NDUFS4: variants seen among roughly 807,000 people sequenced by gnomAD.
NDUFS4 encodes the protein NADH:ubiquinone oxidoreductase subunit S4.
A neutral mutation model predicts 24.3 loss-of-function variants in NDUFS4; 28 were observed. That is an observed-to-expected ratio of 1.15 (90% CI 0.85 to 1.58). The LOEUF is 1.58. Among genes scored for constraint, NDUFS4 ranks in the 40% most tolerant of loss-of-function variants. The pLI is 0.00. For synonymous variants in NDUFS4, 93 were observed against 69.7 expected, an observed-to-expected ratio of 1.34 and a Z score of -1.67; for missense variants, 223 against 207.9, an observed-to-expected ratio of 1.07 and a Z score of -0.45.
chr5:53,658,420 T>C (rs1473610916), intron 3 of NDUFS4, 131 bp from the exon 4 acceptor site: 4 of 665,998 alleles, frequency 6.0e-6, no homozygotes, highest in Non-Finnish European at 7.9e-6. Context: ...TTTAAAGAAA[T>C]TATTACAAAT....
At chr5:53,641,941 AG>A (rs1751716417) in intron 2 of NDUFS4, among the ~76,000 whole-genome samples, 1 of 152,194 alleles carries the variant, frequency 6.6e-6, no homozygotes, top group Non-Finnish European at 1.5e-5. Context: ...TTCTATAAAC[AG>A]TATTTTTAAT....
At chr5:53,609,896 A>G (rs576400545) in intron 2 of NDUFS4, among the ~76,000 whole-genome samples, 1 of 152,248 alleles carries the variant, frequency 6.6e-6, no homozygotes, top group South Asian at 2.1e-4. Flanking sequence ...TCCTGGCTCT[A>G]GATTAGACTT....
intron 4 of NDUFS4, among the ~76,000 whole-genome samples, chr5:53,671,924 A>C (rs2111576053): frequency 6.6e-6 from 1 of 152,260 alleles, no homozygotes; most frequent in African/African-American, 2.4e-5. Flanking sequence ...AAACTCTTTG[A>C]AATTCTCAAA....
chr5:53,586,671 C>A (rs549796726), intron 1 of NDUFS4, among the ~76,000 whole-genome samples: 1 of 152,060 alleles, frequency 6.6e-6, no homozygotes, highest in Non-Finnish European at 1.5e-5. Flanking sequence ...TACTTGCGTC[C>A]ACCACCATGC....
intron 2 of NDUFS4, among the ~76,000 whole-genome samples, chr5:53,615,472 A>G (rs182539612): frequency 4.1e-4 from 62 of 152,194 alleles, no homozygotes; most frequent in African/African-American, 1.3e-3. Context: ...TTCTAATTTT[A>G]TATGACCTAG....
At chr5:53,627,471 C>T (rs1415042886) in intron 2 of NDUFS4, among the ~76,000 whole-genome samples, 1 of 152,044 alleles carries the variant, frequency 6.6e-6, no homozygotes, top group Non-Finnish European at 1.5e-5. Context: ...TTACTTTGGG[C>T]AGTATGTTTA....
intron 2 of NDUFS4, chr5:53,604,701 T>G (rs1750441698): frequency 2.0e-5 from 9 of 454,962 alleles, no homozygotes; most frequent in South Asian, 1.4e-4. Context: ...CTTGCCTGAT[T>G]TAGCTCCTGC....
At chr5:53,677,321 A>C (rs1014229241) in intron 4 of NDUFS4, among the ~76,000 whole-genome samples, 5 of 152,204 alleles carry the variant, frequency 3.3e-5, no homozygotes, top group Admixed American at 6.5e-5. Context: ...CAGCAGGTGT[A>C]GAGTATTACT....
In NDUFS4 at chr5:53,615,697, CT is replaced by C. The variant is rs536296293; in HGVS notation, c.177+12170del. Among the ~76,000 whole-genome samples, 53 of 152,136 alleles carry C rather than the reference CT, an allele frequency of 3.5e-4. 4 individuals are homozygous for C. In the South Asian group the frequency reaches 0.011, roughly 32 times the overall value. ...TTCAGTTGCTGTTTCATGTTTAATACTTTACTTCTAAAGGCTTTCAGCATAT... is the reference window on the plus strand; with the variant it reads ...TTCAGTTGCTGTTTCATGTTTAATACTTACTTCTAAAGGCTTTCAGCATAT... On this transcript the variant is annotated intron_variant, in intron 2 of 4. Coordinates refer to ENST00000296684, the MANE Select transcript of NDUFS4 (RefSeq NM_002495.4).
At chr5:53,664,052 T>C (rs1291166799) in intron 4 of NDUFS4, among the ~76,000 whole-genome samples, 1 of 152,222 alleles carries the variant, frequency 6.6e-6, no homozygotes. Flanking sequence ...TCTTTGCATT[T>C]GCTTGTCTGT....
chr5:53,561,096 G>T (rs930085047), intron 1 of NDUFS4, among the ~76,000 whole-genome samples: 9 of 152,118 alleles, frequency 5.9e-5, no homozygotes. Flanking sequence ...ACTGATTTCT[G>T]TTTCCACTTT....
chr5:53,614,328 T>C (rs1750783205), intron 2 of NDUFS4, among the ~76,000 whole-genome samples: 1 of 151,960 alleles, frequency 6.6e-6, no homozygotes, highest in Non-Finnish European at 1.5e-5. Flanking sequence ...ATGTACTAAA[T>C]ATCACAAAGA....
chr5:53,587,696 A>C (rs71619967), intron 1 of NDUFS4, among the ~76,000 whole-genome samples: 1 of 151,520 alleles, frequency 6.6e-6, no homozygotes, highest in African/African-American at 2.4e-5. Flanking sequence ...CCACACCTCA[A>C]CCTCCCAAGT....
intron 1 of NDUFS4, among the ~76,000 whole-genome samples, chr5:53,587,808 G>A (rs1315668531): frequency 6.6e-6 from 1 of 151,958 alleles, no homozygotes; most frequent in Non-Finnish European, 1.5e-5. Flanking sequence ...TGAACTCTTG[G>A]GCTCAAGGGA....
At chr5:53,581,652 T>C (rs1212286640) in intron 1 of NDUFS4, among the ~76,000 whole-genome samples, 1 of 152,164 alleles carries the variant, frequency 6.6e-6, no homozygotes, top group Non-Finnish European at 1.5e-5. Context: ...ATTTAAGTCC[T>C]GTTTATCCTT....
intron 1 of NDUFS4, among the ~76,000 whole-genome samples, chr5:53,591,935 T>TTTGTTG (rs150255009): frequency 6.6e-6 from 1 of 151,968 alleles, no homozygotes; most frequent in African/African-American, 2.4e-5. Context: ...ATTGATGAGT[T>TTTGTTG]TTGTTGTTGT....
intron 1 of NDUFS4, among the ~76,000 whole-genome samples, chr5:53,586,827 TCTTC>T (rs1233132833): frequency 6.6e-6 from 1 of 152,108 alleles, no homozygotes; most frequent in Non-Finnish European, 1.5e-5. Context: ...CCAGCCTGTT[TCTTC>T]CTTTTTTTTG....
intron 1 of NDUFS4, among the ~76,000 whole-genome samples, chr5:53,588,915 A>T (rs1749854375): frequency 6.6e-6 from 1 of 152,100 alleles, no homozygotes; most frequent in African/African-American, 2.4e-5. Context: ...AGACCAAAAG[A>T]TTCCTAAACC....
intron 3 of NDUFS4, among the ~76,000 whole-genome samples, chr5:53,651,035 T>G (rs1415752724): frequency 2.0e-5 from 3 of 152,184 alleles, no homozygotes; most frequent in African/African-American, 7.2e-5. Flanking sequence ...CAAAACGTAG[T>G]TTTGCCGAAG....
Sources: allele counts gnomAD v4.1 joint callset (sites outside exome capture counted in the v4.1 genomes callset), GRCh38; gene constraint gnomAD v4.1.1; transcripts MANE v1.5; gene names NCBI Gene and HGNC (gene_info 2026-07-23, HGNC 2026-07-21).